GRK6: variants seen among roughly 807,000 people sequenced by gnomAD.
GRK6 encodes G protein-coupled receptor kinase 6.
GRK6 carries 37 observed loss-of-function variants against 80.8 expected under a neutral mutation model. The ratio of observed to expected loss-of-function variants is 0.46; its 90% CI spans 0.35 to 0.60. The LOEUF (loss-of-function observed/expected upper bound fraction) is 0.60. GRK6 is among the 20% of genes least tolerant of loss of function. The pLI is 0.00. For missense variants in GRK6, 560 were observed against 784.6 expected (o/e 0.71, Z 3.42); for synonymous variants, 295 against 320.9 (o/e 0.92, Z 0.86).
At chr5:177,437,449 G>T (rs879670055) in intron 13 of GRK6, among the ~76,000 whole-genome samples, 1 of 152,154 alleles carries the variant, frequency 6.6e-6, no homozygotes, top group Non-Finnish European at 1.5e-5. Context: ...AGGGGCTGTT[G>T]GGCTGGCCAT....
Position 177,442,025 on chromosome 5 carries a change from G to A in GRK6, c.*235G>A, listed in dbSNP as rs1282424235. 1 of 566,914 alleles carries A rather than the reference G, an allele frequency of 1.8e-6. No individual in the cohort carries two copies. The highest frequency in any genetic ancestry group is 3.1e-6 in the Non-Finnish European group (1 of 320,012). The allele number at this position is 566,914 out of a possible 1,614,324, so 35.1% of individuals were successfully genotyped here. On this transcript the variant is annotated 3_prime_UTR_variant, in exon 16 of 16. Coordinates refer to ENST00000355472, the MANE Select transcript of GRK6 (RefSeq NM_001004106.3). The stretch of plus-strand genomic sequence containing the variant: ...TTCAGCTCTTCTCCGTGGAGCTCGG[G>A]GCTTTCTGTATTTATGTATTTGTAC...
Position 177,428,406 on chromosome 5 carries a change from G to A in GRK6, c.52+1509G>A, listed in dbSNP as rs919308567. Among the ~76,000 whole-genome samples the A allele has an allele frequency of 6.6e-6, 1 of 152,186 alleles. No homozygotes were observed. Among genetic ancestry groups the A allele is most frequent in the African/African-American group, 2.4e-5 (1 of 41,442 alleles). On this transcript the variant is annotated intron_variant, in intron 1 of 15. Coordinates refer to ENST00000355472, the MANE Select transcript of GRK6 (RefSeq NM_001004106.3). The surrounding 1 kb of genome is among the most constrained non-coding windows in gnomAD (Gnocchi z 4.1). Reference sequence around the variant, plus strand: ...GGTACCTCCACTAGAGAACCCTTACGACAACCTGGCTCTGCCCCTCCCACC... The same window carrying A: ...GGTACCTCCACTAGAGAACCCTTACAACAACCTGGCTCTGCCCCTCCCACC...
chr5:177,434,912 C>G lies in GRK6; in HGVS notation c.940C>G (p.Pro314Ala). Reference sequence around the variant, plus strand: ...CTTCTCTCTGCACAGGGACCTGAAGCCCGAGAACATCTTGCTGGATGACCA... The same window carrying G: ...CTTCTCTCTGCACAGGGACCTGAAGGCCGAGAACATCTTGCTGGATGACCA... ...RERIVYRDLK[P>A]ENILLDDHGH... Residue 314 changes from proline (P) to alanine (A), a missense_variant, in exon 10 of 16, where the codon CCC (proline) becomes GCC (alanine). By Grantham distance (27) the Pro-to-Ala change is conservative. Transcript: ENST00000355472. The G allele has an allele frequency of 6.2e-7, 1 of 1,613,904 alleles. No individual in the cohort carries two copies. Among genetic ancestry groups the G allele is most frequent in the South Asian group, 1.1e-5 (1 of 91,078 alleles).
chr5:177,433,231 G>T lies in GRK6; in HGVS notation c.525G>T (p.Trp175Cys). Residue 175 changes from tryptophan to cysteine, a missense_variant, in exon 6 of 16, where the codon TGG (tryptophan) becomes TGT (cysteine). Transcript: ENST00000355472. ...IYFNRFLQWK[W>C]LERQPVTKNT... is the part of the protein sequence containing the mutation. The stretch of plus-strand genomic sequence containing the variant: ...TCAACCGTTTCCTGCAGTGGAAGTG[G>T]CTGGAAAGGTGAGCTCCCTGAAGGC... 1 of 1,614,166 alleles carries T rather than the reference G, an allele frequency of 6.2e-7. No homozygotes were observed. The highest frequency in any genetic ancestry group is 8.5e-7 in the Non-Finnish European group (1 of 1,180,018).
intron 1 of GRK6, 54 bp downstream of exon 1, chr5:177,426,951 G>C (rs1763697803): frequency 8.4e-7 from 1 of 1,191,540 alleles, no homozygotes; most frequent in Non-Finnish European, 1.1e-6. Flanking sequence ...CGAGTGCGCT[G>C]CGTCTGAGCT....
chr5:177,441,241 C>T, intron 15 of GRK6, 188 bp downstream of exon 15: 3 of 1,558,806 alleles, frequency 1.9e-6, no homozygotes, highest in Non-Finnish European at 1.7e-6. Context: ...TTTTCTCTTT[C>T]CAGAGGTGAG....
At chr5:177,432,952 G>C in intron 5 of GRK6, 146 bp downstream of exon 5, 1 of 793,086 alleles carries the variant, frequency 1.3e-6, no homozygotes, top group Non-Finnish European at 2.1e-6. Context: ...ACCTGAGCAG[G>C]CTGCCTCCCC....
At chr5:177,431,013 C>A in intron 2 of GRK6, 46 bp downstream of exon 2, 1 of 1,536,240 alleles carries the variant, frequency 6.5e-7, no homozygotes, top group Non-Finnish European at 8.9e-7. Context: ...AGGGGCCCTG[C>A]TGGGGCCGGG....
chr5:177,425,928 T>TCATCC (rs1763634434), upstream of GRK6, among the ~76,000 whole-genome samples: 1 of 152,230 alleles, frequency 6.6e-6, no homozygotes, highest in Admixed American at 6.5e-5. Flanking sequence ...GGGTGTGAAC[T>TCATCC]CATCCCGAGG....
upstream of GRK6, among the ~76,000 whole-genome samples, chr5:177,426,057 C>T (rs1337222993): frequency 6.6e-6 from 1 of 152,168 alleles, no homozygotes; most frequent in Non-Finnish European, 1.5e-5. Flanking sequence ...CTGCGGCGAC[C>T]GGGCAAGAGG....
chr5:177,434,897 C>T lies in GRK6; in HGVS notation c.930-5C>T, dbSNP rs1764072495. On this transcript the variant is annotated splice_polypyrimidine_tract_variant and splice_region_variant and intron_variant, in intron 9 of 15. Transcript: ENST00000355472. ...GCATCTGACCCTGCTCTTCTCTCTG[C>T]ACAGGGACCTGAAGCCCGAGAACAT... 1 of 1,613,502 alleles carries T rather than the reference C, an allele frequency of 6.2e-7. No individual in the cohort carries two copies. The highest frequency in any genetic ancestry group is 1.7e-5 in the Admixed American group (1 of 60,020).
Position 177,440,778 on chromosome 5 carries a change from G to A in GRK6, c.1483G>A (p.Asp495Asn). The part of the protein sequence containing the change: ...TVKGVELEPT[D>N]QDFYQKFATG... The stretch of plus-strand genomic sequence containing the variant: ...CAAGGGCGTGGAGCTGGAGCCTACC[G>A]ACCAGGACTTCTACCAGAAGTTTGC... Residue 495 changes from aspartate to asparagine, a missense_variant, in exon 14 of 16, where the codon GAC becomes AAC. Physicochemically the swap from Asp to Asn is conservative, Grantham distance 23. Around this residue, in one of 3 missense-constraint regions of GRK6, gnomAD observed 294 missense variants for 397.4 expected, o/e 0.74. Coordinates refer to ENST00000355472, the MANE Select transcript of GRK6 (RefSeq NM_001004106.3). 4 of 1,614,144 alleles carry A rather than the reference G, an allele frequency of 2.5e-6. No homozygotes were observed. The highest frequency in any genetic ancestry group is 3.4e-6 in the Non-Finnish European group (4 of 1,180,024).
intron 11 of GRK6, 78 bp from the exon 12 acceptor site, chr5:177,435,995 C>T (rs561838857): frequency 1.1e-5 from 14 of 1,245,190 alleles, no homozygotes; most frequent in Admixed American, 1.1e-4. Flanking sequence ...CCAGACCTAA[C>T]GTGCACTGGC....
chr5:177,432,159 C>T, intron 3 of GRK6, 52 bp downstream of exon 3: 4 of 1,607,650 alleles, frequency 2.5e-6, no homozygotes, highest in Non-Finnish European at 3.4e-6. Flanking sequence ...GGTCCTGGCC[C>T]CATGTGCCCC....
At position 177,440,988 on chromosome 5, in the gene GRK6, G is replaced by A. The variant is rs1387625175; in HGVS notation, c.1612G>A (p.Asp538Asn). 1 of 1,614,006 alleles carries A rather than the reference G, an allele frequency of 6.2e-7. No individual in the cohort carries two copies. Among genetic ancestry groups the A allele is most frequent in the South Asian group, 1.1e-5 (1 of 91,082 alleles). Residue 538 changes from aspartate to asparagine, a missense_variant, in exon 15 of 16, where the codon GAC becomes AAC. Coordinates refer to ENST00000355472, the MANE Select transcript of GRK6 (RefSeq NM_001004106.3). ...GLDGSVPPDL[D>N]WKGQPPAPPK... The stretch of plus-strand genomic sequence containing the variant: ...GGATGGCTCAGTTCCCCCAGACCTG[G>A]ACTGGAAGGGCCAGCCACCTGCACC...
At chr5:177,430,053 A>G (rs1763822611) in intron 1 of GRK6, among the ~76,000 whole-genome samples, 1 of 151,766 alleles carries the variant, frequency 6.6e-6, no homozygotes, top group Non-Finnish European at 1.5e-5. Flanking sequence ...AATGGGGGCC[A>G]ATATTTTATG....
intron 5 of GRK6, 94 bp downstream of exon 5, chr5:177,432,900 G>A: frequency 9.3e-7 from 1 of 1,070,776 alleles, no homozygotes; most frequent in Non-Finnish European, 1.4e-6. Flanking sequence ...TGGCTGGTGA[G>A]GGAGCTCAGC....
Position 177,436,215 on chromosome 5 carries a change from G to A in GRK6, c.1200G>A (p.Leu400=), listed in dbSNP as rs1561657958. The change falls in exon 12 of 16, where the codon CTG becomes CTA. Residue 400 remains leucine (L), a synonymous_variant. Transcript: ENST00000355472. The part of the protein sequence containing the change: ...KKIKREEVER[L]VKEVPEEYSE... Reference sequence around the variant, plus strand: ...TCAAGCGGGAGGAGGTGGAGCGGCTGGTGAAGGAGGTCCCCGAGGAGTATT... The same window carrying A: ...TCAAGCGGGAGGAGGTGGAGCGGCTAGTGAAGGAGGTCCCCGAGGAGTATT... 1 of 1,614,196 alleles carries A rather than the reference G, an allele frequency of 6.2e-7. No individual in the cohort carries two copies. The highest frequency in any genetic ancestry group is 1.7e-5 in the Admixed American group (1 of 60,028).
intron 13 of GRK6, among the ~76,000 whole-genome samples, chr5:177,439,227 T>C (rs1764330654): frequency 6.6e-6 from 1 of 152,210 alleles, no homozygotes; most frequent in Non-Finnish European, 1.5e-5. Flanking sequence ...TTATATACCA[T>C]ACAATTCACC....
Sources: gnomAD v4.1 joint callset for allele counts (sites outside exome capture counted in the v4.1 genomes callset) on GRCh38, gnomAD v4.1.1 for gene constraint, gnomAD v4.1.1 regional missense constraint, Gnocchi (gnomAD v3.1) non-coding constraint, MANE v1.5 for transcripts, NCBI Gene and HGNC (gene_info 2026-07-23, HGNC 2026-07-21) for gene names.